The following LHFPL2 variants were observed in gnomAD, a reference collection of about 807,000 sequenced individuals.
LHFPL2 encodes the protein LHFPL tetraspan subfamily member 2.
In LHFPL2, 7 loss-of-function variants were observed where a neutral mutation model predicts 17.5. That is an observed-to-expected ratio of 0.40 (90% confidence interval 0.23 to 0.75). LHFPL2 has a LOEUF of 0.75. LHFPL2 is among the 30% of genes least tolerant of loss of function. The probability of loss-of-function intolerance (pLI) is 0.37; values close to 1 mark genes in which losing one functional copy is unlikely to be tolerated. For synonymous variants in LHFPL2, 134 were observed against 116.2 expected (o/e 1.15, Z -0.99); for missense variants, 241 against 294.8 (o/e 0.82, Z 1.34).
chr5:78,621,703 G>A (rs1021157012), intron 2 of LHFPL2, among the ~76,000 whole-genome samples: 21 of 152,224 alleles, frequency 1.4e-4, no homozygotes, highest in Middle Eastern at 3.4e-3. Flanking sequence ...TACATGGCAA[G>A]TAAAACCACA....
At chr5:78,551,433 T>G (rs1178565093) in intron 3 of LHFPL2, among the ~76,000 whole-genome samples, 3 of 152,152 alleles carry the variant, frequency 2.0e-5, no homozygotes, top group Non-Finnish European at 4.4e-5. Flanking sequence ...CCTACTGTCC[T>G]GGGGGTTCCT....
At chr5:78,522,552 C>A (rs1755489250) in intron 3 of LHFPL2, among the ~76,000 whole-genome samples, 3 of 152,154 alleles carry the variant, frequency 2.0e-5, no homozygotes, top group Admixed American at 1.3e-4. Context: ...TTACTAACAG[C>A]CAACTTTTAT....
intron 2 of LHFPL2, among the ~76,000 whole-genome samples, chr5:78,568,772 CCT>C (rs1027901588): frequency 4.6e-5 from 7 of 152,248 alleles, no homozygotes; most frequent in Admixed American, 1.3e-4. Flanking sequence ...ACAATCCTTC[CCT>C]GAGACCTGAG....
intron 3 of LHFPL2, among the ~76,000 whole-genome samples, chr5:78,548,334 G>C (rs952481083): frequency 7.9e-5 from 12 of 152,224 alleles, no homozygotes; most frequent in Non-Finnish European, 1.2e-4. Context: ...TGCTGGCCCA[G>C]GCCCAGTCCC....
At chr5:78,570,649 C>CGT (rs141035370) in intron 2 of LHFPL2, among the ~76,000 whole-genome samples, 16 of 143,608 alleles carry the variant, frequency 1.1e-4, no homozygotes, top group African/African-American at 3.5e-4. Context: ...TATATATATA[C>CGT]GTATATATAT....
At chr5:78,581,266 A>C (rs1250696589) in intron 2 of LHFPL2, among the ~76,000 whole-genome samples, 4 of 152,122 alleles carry the variant, frequency 2.6e-5, no homozygotes, top group Non-Finnish European at 5.9e-5. Flanking sequence ...CTCTTTTCCT[A>C]ATTGAATACC....
intron 2 of LHFPL2, among the ~76,000 whole-genome samples, chr5:78,621,981 C>G (rs1051188969): frequency 5.9e-5 from 9 of 152,126 alleles, no homozygotes; most frequent in Non-Finnish European, 1.0e-4. Context: ...AACACATACT[C>G]TCTAAGAAAT....
intron 2 of LHFPL2, among the ~76,000 whole-genome samples, chr5:78,587,724 T>C (rs759415182): frequency 6.6e-6 from 1 of 152,222 alleles, no homozygotes; most frequent in African/African-American, 2.4e-5. Context: ...GTTTCTTGTG[T>C]CTTTTGCTGT....
chr5:78,633,173 A>C (rs1561374513), intron 1 of LHFPL2, among the ~76,000 whole-genome samples: 1 of 152,210 alleles, frequency 6.6e-6, no homozygotes, highest in Non-Finnish European at 1.5e-5. Context: ...ACCCCATCTT[A>C]GCTGCCCCAA....
intron 4 of LHFPL2, among the ~76,000 whole-genome samples, chr5:78,502,095 T>G (rs1384232825): frequency 6.6e-6 from 1 of 152,142 alleles, no homozygotes; most frequent in Non-Finnish European, 1.5e-5. Context: ...CATGATATTA[T>G]AGTTGGCAAG....
intron 2 of LHFPL2, among the ~76,000 whole-genome samples, chr5:78,586,583 A>G (rs1188923420): frequency 6.6e-6 from 1 of 152,206 alleles, no homozygotes; most frequent in Non-Finnish European, 1.5e-5. Flanking sequence ...AGAGTCTGTA[A>G]CGAAGACCAC....
intron 3 of LHFPL2, among the ~76,000 whole-genome samples, chr5:78,550,685 C>T (rs1156576622): frequency 6.6e-6 from 1 of 152,152 alleles, no homozygotes; most frequent in Non-Finnish European, 1.5e-5. Context: ...ATTCTCTTGC[C>T]TCAGCCCCCT....
At chr5:78,573,266 ACTT>A (rs1401757326) in intron 2 of LHFPL2, among the ~76,000 whole-genome samples, 1 of 152,224 alleles carries the variant, frequency 6.6e-6, no homozygotes, top group Admixed American at 6.5e-5. Context: ...GAGGAGAAAA[ACTT>A]CTTGGCACAG....
rs1447927337 is a variant in LHFPL2 at position 78,488,698 on chromosome 5, C to T, written c.*199G>A. On this transcript the variant is annotated 3_prime_UTR_variant, in exon 5 of 5. Transcript: ENST00000380345. ...TATATACTATTTTCATGTTCCATTC[C>T]TTATAATGTGCACTGCAGACCGCAT... The T allele has an allele frequency of 3.3e-6, 2 of 610,494 alleles. No homozygotes were observed. Among genetic ancestry groups the T allele is most frequent in the African/African-American group, 1.9e-5 (1 of 53,884 alleles). The allele number at this position is 610,494 out of a possible 1,614,324, so 37.8% of individuals were successfully genotyped here. A position where few individuals can be genotyped will look rare whatever the true frequency, so the allele number is the denominator to read the frequency against.
At chr5:78,591,083 G>C (rs986755790) in intron 2 of LHFPL2, among the ~76,000 whole-genome samples, 1 of 152,176 alleles carries the variant, frequency 6.6e-6, no homozygotes, top group Non-Finnish European at 1.5e-5. Flanking sequence ...AATTTGTGGT[G>C]GAAGAGGGAA....
At chr5:78,552,698 T>G (rs1179912653) in intron 3 of LHFPL2, among the ~76,000 whole-genome samples, 3 of 152,244 alleles carry the variant, frequency 2.0e-5, no homozygotes, top group Non-Finnish European at 2.9e-5. Flanking sequence ...GCATGATCAA[T>G]TCTGTGTACT....
chr5:78,489,930 A>C (rs938725548), intron 4 of LHFPL2, among the ~76,000 whole-genome samples: 1 of 152,228 alleles, frequency 6.6e-6, no homozygotes, highest in African/African-American at 2.4e-5. Flanking sequence ...GGTCTAAGGA[A>C]ATTCACACAG....
At chr5:78,599,425 A>C (rs1743934401) in intron 2 of LHFPL2, among the ~76,000 whole-genome samples, 1 of 151,532 alleles carries the variant, frequency 6.6e-6, no homozygotes, top group African/African-American at 2.4e-5. Flanking sequence ...TCAGCCTCTC[A>C]AGTAGCTGGG....
At chr5:78,571,560 T>C (rs1757000564) in intron 2 of LHFPL2, among the ~76,000 whole-genome samples, 1 of 152,182 alleles carries the variant, frequency 6.6e-6, no homozygotes, top group Non-Finnish European at 1.5e-5. Context: ...AACTGTGGCT[T>C]GGGGTGACAT....
Sources: gnomAD v4.1 joint callset for allele counts (sites outside exome capture counted in the v4.1 genomes callset) on GRCh38, gnomAD v4.1.1 for gene constraint, MANE v1.5 for transcripts, NCBI Gene and HGNC (gene_info 2026-07-23, HGNC 2026-07-21) for gene names.